The following CCDC73 variants were observed in gnomAD, a reference collection of about 807,000 sequenced individuals.
CCDC73 encodes the protein coiled-coil domain containing 73, also known as coiled-coil domain-containing protein 73.
CCDC73 carries 95 observed loss-of-function variants against 116.5 expected under a neutral mutation model. That is an observed-to-expected ratio of 0.82 (90% CI 0.69 to 0.97). CCDC73 has a LOEUF of 0.97. Ranked by LOEUF, CCDC73 falls within the 50% of genes least tolerant of loss-of-function variation. The pLI, the probability that CCDC73 is intolerant of heterozygous loss-of-function variation, is 0.00. For missense variants in CCDC73, 1,066 were observed against 1,206.8 expected, an observed-to-expected ratio of 0.88 and a Z score of 1.73; for synonymous variants, 398 against 401.3, an observed-to-expected ratio of 0.99 and a Z score of 0.10.
intron 9 of CCDC73, among the ~76,000 whole-genome samples, chr11:32,663,170 T>C (rs201891): frequency 0.8 from 121,831 of 152,144 alleles, 49,896 homozygotes; most frequent in African/African-American, 0.93. Context: ...TGGCAATGCG[T>C]GTCTTTTTTG....
At chr11:32,661,266 A>T (rs1193736516) in intron 9 of CCDC73, among the ~76,000 whole-genome samples, 4 of 152,040 alleles carry the variant, frequency 2.6e-5, no homozygotes, top group African/African-American at 4.8e-5. Flanking sequence ...TAAGCTTTTA[A>T]TTTTTATTCA....
intron 2 of CCDC73, among the ~76,000 whole-genome samples, chr11:32,751,457 C>G (rs1850286809): frequency 6.6e-6 from 1 of 152,152 alleles, no homozygotes; most frequent in Admixed American, 6.5e-5. Flanking sequence ...TGGAAACCCC[C>G]CAGCGGCAAG....
intron 1 of CCDC73, among the ~76,000 whole-genome samples, chr11:32,767,460 C>A (rs772453619): frequency 0.014 from 2,060 of 152,164 alleles, 54 homozygotes; most frequent in African/African-American, 0.047. Context: ...CAAAAGCCAA[C>A]ATTGACAAAT....
At chr11:32,717,102 C>T (rs1427625312) in intron 3 of CCDC73, among the ~76,000 whole-genome samples, 1 of 152,194 alleles carries the variant, frequency 6.6e-6, no homozygotes. Flanking sequence ...TTGGATCTGT[C>T]TAGCCTTGAA....
intron 2 of CCDC73, among the ~76,000 whole-genome samples, chr11:32,744,039 T>C (rs1402155173): frequency 1.3e-5 from 2 of 152,204 alleles, no homozygotes; most frequent in African/African-American, 4.8e-5. Flanking sequence ...ATATTGGCTG[T>C]GGGTTTGTCC....
intron 2 of CCDC73, among the ~76,000 whole-genome samples, chr11:32,741,292 T>C (rs1850181507): frequency 6.6e-6 from 1 of 152,142 alleles, no homozygotes; most frequent in Non-Finnish European, 1.5e-5. Context: ...ACTATTATTG[T>C]ATGAAAGTCT....
intron 2 of CCDC73, among the ~76,000 whole-genome samples, chr11:32,731,563 A>C (rs547112266): frequency 6.6e-5 from 10 of 152,314 alleles, no homozygotes; most frequent in African/African-American, 2.4e-4. Context: ...TCTGAGACGA[A>C]GCTTCCAGAG....
At chr11:32,734,430 T>C (rs1250276739) in intron 2 of CCDC73, among the ~76,000 whole-genome samples, 3 of 150,738 alleles carry the variant, frequency 2.0e-5, no homozygotes, top group East Asian at 1.9e-4. Context: ...TTTTTCTTTT[T>C]TTTTTTTTTT....
intron 7 of CCDC73, among the ~76,000 whole-genome samples, chr11:32,677,229 C>G (rs1856097326): frequency 6.6e-6 from 1 of 152,112 alleles, no homozygotes; most frequent in Non-Finnish European, 1.5e-5. Context: ...TTTTGCCTAG[C>G]CAGCATCCAT....
intron 9 of CCDC73, among the ~76,000 whole-genome samples, chr11:32,672,156 A>T (rs987209987): frequency 2.0e-5 from 3 of 152,218 alleles, no homozygotes; most frequent in Admixed American, 6.5e-5. Flanking sequence ...AGCCTGGCCA[A>T]GACAGTGAAA....
intron 12 of CCDC73, among the ~76,000 whole-genome samples, chr11:32,643,461 A>G (rs570046186): frequency 6.6e-6 from 1 of 152,240 alleles, no homozygotes; most frequent in East Asian, 1.9e-4. Flanking sequence ...GTGTACTTAC[A>G]CAAACCTAGA....
chr11:32,741,926 G>A (rs1850191335), intron 2 of CCDC73, among the ~76,000 whole-genome samples: 3 of 151,948 alleles, frequency 2.0e-5, no homozygotes, highest in Non-Finnish European at 4.4e-5. Flanking sequence ...TTCTGATCTT[G>A]TGATAGTTTG....
intron 2 of CCDC73, among the ~76,000 whole-genome samples, chr11:32,744,164 A>G (rs1850214214): frequency 6.6e-6 from 1 of 152,216 alleles, no homozygotes; most frequent in Non-Finnish European, 1.5e-5. Flanking sequence ...TCTTGAGATA[A>G]TCATGTGGTT....
intron 9 of CCDC73, among the ~76,000 whole-genome samples, chr11:32,660,984 A>G (rs1434336154): frequency 6.6e-6 from 1 of 152,198 alleles, no homozygotes; most frequent in Non-Finnish European, 1.5e-5. Context: ...AAAAAGAAAC[A>G]TCATGCAGGG....
At chr11:32,693,621 A>G (rs1374511971) in intron 6 of CCDC73, among the ~76,000 whole-genome samples, 6 of 152,204 alleles carry the variant, frequency 3.9e-5, no homozygotes, top group African/African-American at 1.4e-4. Context: ...AAAAGAGGGA[A>G]TTTTAGACGA....
intron 17 of CCDC73, among the ~76,000 whole-genome samples, chr11:32,610,513 A>C (rs1450315758): frequency 6.6e-6 from 1 of 152,254 alleles, no homozygotes; most frequent in Non-Finnish European, 1.5e-5. Flanking sequence ...TGAACACTAC[A>C]ACCTTTTTCT....
At chr11:32,708,652 G>A (rs1554966109) in intron 3 of CCDC73, among the ~76,000 whole-genome samples, 2 of 151,526 alleles carry the variant, frequency 1.3e-5, no homozygotes, top group South Asian at 4.2e-4. Context: ...TGTTTTTTTG[G>A]TTGTTGTTTG....
chr11:32,734,995 A>C (rs1850115654), intron 2 of CCDC73, among the ~76,000 whole-genome samples: 1 of 152,196 alleles, frequency 6.6e-6, no homozygotes, highest in African/African-American at 2.4e-5. Context: ...ACTCTCAATA[A>C]ATTAGGTATT....
chr11:32,814,839 T>C, the CCDC73 span, among the ~76,000 whole-genome samples: 7 of 152,164 alleles, frequency 4.6e-5, no homozygotes, highest in South Asian at 1.4e-3. Context: ...AAAATACTAT[T>C]TAGCCATATA....
Sources: allele counts gnomAD v4.1 joint callset (sites outside exome capture counted in the v4.1 genomes callset), GRCh38; gene constraint gnomAD v4.1.1; transcripts MANE v1.5; gene names NCBI Gene and HGNC (gene_info 2026-07-23, HGNC 2026-07-21).